Variants in PCYOX1 observed in about 807,000 individuals in gnomAD.
The protein encoded by PCYOX1 is prenylcysteine lyase.
In PCYOX1, 46 loss-of-function variants were observed where a neutral mutation model predicts 46.4. That is an observed-to-expected ratio of 0.99 (90% CI 0.78 to 1.27). The LOEUF is 1.27. Among genes scored for constraint, PCYOX1 ranks in the 50% most tolerant of loss-of-function variants. The pLI is 0.00. For missense variants in PCYOX1, 658 were observed against 628.3 expected, an observed-to-expected ratio of 1.05 and a Z score of -0.51; for synonymous variants, 220 against 231.8, an observed-to-expected ratio of 0.95 and a Z score of 0.46.
chr2:70,259,670 G>A (rs977867085), intron 2 of PCYOX1, 104 bp downstream of exon 2: 144 of 857,226 alleles, frequency 1.7e-4, no homozygotes, highest in Non-Finnish European at 2.4e-4. Context: ...TTGCCTTACA[G>A]AGACGTTGGT....
Position 70,276,930 on chromosome 2 carries a change from G to C in PCYOX1, c.1056G>C (p.Leu352Phe). The C allele has an allele frequency of 6.2e-7, 1 of 1,611,824 alleles. No homozygotes were observed. The highest frequency in any genetic ancestry group is 8.5e-7 in the Non-Finnish European group (1 of 1,178,004). ...HIVTTLVKGE[L>F]NTSIFSSRPI... ...TGACAACTTTAGTTAAGGGGGAATT[G>C]AATACATCTATCTTTAGCTCTAGAC... is the stretch of plus-strand genomic sequence containing the variant. The change falls in exon 6 of 6, where the codon TTG becomes TTC. Residue 352 changes from leucine (L) to phenylalanine (F), a missense_variant. Physicochemically the swap from Leu to Phe is conservative, Grantham distance 22. Transcript: ENST00000433351.
In PCYOX1 at chr2:70,275,069, C is replaced by G; in HGVS notation, c.605C>G (p.Thr202Ser). The G allele has an allele frequency of 6.2e-7, 1 of 1,614,042 alleles. No individual in the cohort carries two copies. Among genetic ancestry groups the G allele is most frequent in the Non-Finnish European group, 8.5e-7 (1 of 1,179,896 alleles). The change falls in exon 4 of 6, where the codon ACC becomes AGC. Residue 202 changes from threonine to serine, a missense_variant. Thr to Ser is a moderately conservative substitution (Grantham distance 58, BLOSUM62 1). Coordinates refer to ENST00000433351, the MANE Select transcript of PCYOX1 (RefSeq NM_016297.4). ...LGMLNRTLLE[T>S]LQKAGFSEKF... is the part of the protein sequence containing the mutation. ...ATGCTTAATCGAACACTTCTTGAAACCTTGCAAAAGGCCGGCTTTTCTGAG... is the reference window on the plus strand; with the variant it reads ...ATGCTTAATCGAACACTTCTTGAAAGCTTGCAAAAGGCCGGCTTTTCTGAG...
chr2:70,268,259 A>G (rs1281741227), intron 3 of PCYOX1, among the ~76,000 whole-genome samples: 2 of 152,272 alleles, frequency 1.3e-5, no homozygotes, highest in Non-Finnish European at 2.9e-5. Flanking sequence ...TTTAAAATCT[A>G]AGGCTCATCA....
rs2104905255 is a variant in PCYOX1 at position 70,281,129 on chromosome 2, GTATTA to G, written c.*3738_*3742del. 1 of 152,248 alleles carries G rather than the reference GTATTA, an allele frequency of 6.6e-6. No homozygotes were observed. Among genetic ancestry groups the G allele is most frequent in the African/African-American group, 2.4e-5 (1 of 41,520 alleles). The allele number at this position is 152,248 out of a possible 1,614,324, so 9.4% of individuals were successfully genotyped here. A position where few individuals can be genotyped will look rare whatever the true frequency, so the allele number is the denominator to read the frequency against. On this transcript the variant is annotated 3_prime_UTR_variant, in exon 6 of 6. Coordinates refer to ENST00000433351, the MANE Select transcript of PCYOX1 (RefSeq NM_016297.4). ...TCTCTGGAATCCTCTTTCTACTCTT[GTATTA>G]AAATTTTTCCCCACTTCATGATTAT...
rs114523411 is a variant in PCYOX1 at position 70,258,200 on chromosome 2, G to A, written c.36G>A (p.Leu12=). The change falls in exon 1 of 6, where the codon CTG becomes CTA. Residue 12 remains leucine, a synonymous_variant. Coordinates refer to ENST00000433351, the MANE Select transcript of PCYOX1 (RefSeq NM_016297.4). ...TCGTCGCGGAGCTCGTCTCCTCGCT[G>A]CTGGGGTTGTGGCTGTTGCTGTGCA... ...GRVVAELVSS[L]LGLWLLLCSC... is the part of the protein sequence containing the mutation. 961 of 1,599,620 alleles carry A rather than the reference G, an allele frequency of 6.0e-4. 4 individuals carry two copies. In the African/African-American group the frequency reaches 0.012, roughly 20 times the overall value.
chr2:70,260,621 T>G (rs1401193021), intron 2 of PCYOX1, among the ~76,000 whole-genome samples: 2 of 152,222 alleles, frequency 1.3e-5, no homozygotes, highest in African/African-American at 4.8e-5. Flanking sequence ...GATGTGCAAC[T>G]GCTGCCCTGA....
chr2:70,266,970 G>C (rs1456149300), intron 3 of PCYOX1, among the ~76,000 whole-genome samples: 1 of 152,150 alleles, frequency 6.6e-6, no homozygotes, highest in Non-Finnish European at 1.5e-5. Flanking sequence ...TTCTCAATGA[G>C]CTATTGGGTA....
At chr2:70,276,362 G>A (rs1044181996) in intron 5 of PCYOX1, among the ~76,000 whole-genome samples, 3 of 151,678 alleles carry the variant, frequency 2.0e-5, no homozygotes, top group African/African-American at 4.8e-5. Context: ...GCCTGCCACC[G>A]CGCTCGGCTA....
intron 3 of PCYOX1, among the ~76,000 whole-genome samples, chr2:70,267,800 A>G (rs1276718914): frequency 7.1e-6 from 1 of 140,224 alleles, no homozygotes. Context: ...GGGGAGGGGG[A>G]GGGGGAGAGG....
chr2:70,269,694 C>T (rs1045350250), intron 3 of PCYOX1, among the ~76,000 whole-genome samples: 7 of 152,094 alleles, frequency 4.6e-5, no homozygotes, highest in Admixed American at 1.3e-4. Context: ...TCATAGCCTC[C>T]GGCATCTGTG....
chr2:70,265,080 C>T (rs1696493908), intron 3 of PCYOX1, among the ~76,000 whole-genome samples: 1 of 152,062 alleles, frequency 6.6e-6, no homozygotes, highest in Non-Finnish European at 1.5e-5. Flanking sequence ...TCATTCTCTG[C>T]TGTTGGAGGT....
rs1266805353 is a variant in PCYOX1, at chr2:70,280,487, C to T, written c.*3095C>T. ...ACCTTAAGGGCTTGTTAAAACATCGCTAGGCTCCACCCTGTTTATTCAATA... is the reference window on the plus strand; with the variant it reads ...ACCTTAAGGGCTTGTTAAAACATCGTTAGGCTCCACCCTGTTTATTCAATA... On this transcript the variant is annotated 3_prime_UTR_variant, in exon 6 of 6. Coordinates refer to ENST00000433351, the MANE Select transcript of PCYOX1 (RefSeq NM_016297.4). 6.6e-6 allele frequency: 1 copy of T among 152,118 alleles called. No homozygotes were observed. Among genetic ancestry groups the T allele is most frequent in the Non-Finnish European group, 1.5e-5 (1 of 68,018 alleles). The allele number at this position is 152,118 out of a possible 1,614,324, so 9.4% of individuals were successfully genotyped here.
Position 70,259,540 on chromosome 2 carries a change from A to C in PCYOX1, c.293A>C (p.His98Pro). 6.2e-7 allele frequency: 1 copy of C among 1,614,004 alleles called. No homozygotes were observed. The highest frequency in any genetic ancestry group is 8.5e-7 in the Non-Finnish European group (1 of 1,179,914). ...TCTGTCATCCATCCTTTAAATCTGC[A>C]CATGAAACGTTTTGTCAAAGACCTG... Reference protein sequence around the residue: ...GGSVIHPLNLHMKRFVKDLGL... With the variant: ...GGSVIHPLNLPMKRFVKDLGL... Residue 98 changes from histidine to proline, a missense_variant, in exon 2 of 6, where the codon CAC (histidine) becomes CCC (proline). Coordinates refer to ENST00000433351, the MANE Select transcript of PCYOX1 (RefSeq NM_016297.4).
At chr2:70,262,914 T>C (rs1367806941) in intron 3 of PCYOX1, among the ~76,000 whole-genome samples, 2 of 145,408 alleles carry the variant, frequency 1.4e-5, no homozygotes, top group African/African-American at 5.0e-5. Context: ...ACATGTCATA[T>C]GACCAGGTAT....
rs776472006 is a variant in PCYOX1 at position 70,275,028 on chromosome 2, A to AGATG, written c.565_568dup (p.Asp190GlyfsTer2). Reference sequence around the variant, plus strand: ...AAAAATTACTTCATGCTCTAGGAGGAGATGACTTCCTTGGAATGCTTAATC... The same window carrying AGATG: ...AAAAATTACTTCATGCTCTAGGAGGAGATGGATGACTTCCTTGGAATGCTTAATC... On this transcript the variant is annotated frameshift_variant, in exon 4 of 6. Coordinates refer to ENST00000433351, the MANE Select transcript of PCYOX1 (RefSeq NM_016297.4). LOFTEE classifies it high-confidence loss of function. 6.2e-7 allele frequency: 1 copy of AGATG among 1,613,492 alleles called. No homozygotes were observed. The highest frequency in any genetic ancestry group is 8.5e-7 in the Non-Finnish European group (1 of 1,179,406).
chr2:70,262,570 C>T (rs555850931), intron 3 of PCYOX1, among the ~76,000 whole-genome samples: 4 of 150,674 alleles, frequency 2.7e-5, no homozygotes, highest in South Asian at 4.2e-4. Flanking sequence ...ACCTCTGCCT[C>T]CCTGGTTCAA....
chr2:70,274,623 G>C (rs1407913705), intron 3 of PCYOX1: 2 of 237,746 alleles, frequency 8.4e-6, no homozygotes, highest in Non-Finnish European at 1.6e-5. Context: ...GAGTGCAGCG[G>C]CATTATCACA....
At chr2:70,274,849 C>A in intron 3 of PCYOX1, 110 bp from the exon 4 acceptor site, 1 of 740,482 alleles carries the variant, frequency 1.4e-6, no homozygotes. Flanking sequence ...TAGGCGTGAG[C>A]CACTGCACCT....
chr2:70,280,048 C>G lies in PCYOX1; in HGVS notation c.*2656C>G, dbSNP rs1559039505. ...TGAGCAGAGATCGCACCACTGCACT[C>G]CAGCCTGGGCAAGAGTGAGACTGTG... On this transcript the variant is annotated 3_prime_UTR_variant, in exon 6 of 6. Coordinates refer to ENST00000433351, the MANE Select transcript of PCYOX1 (RefSeq NM_016297.4). 1 of 152,090 alleles carries G rather than the reference C, an allele frequency of 6.6e-6. No individual in the cohort carries two copies. Among genetic ancestry groups the G allele is most frequent in the Non-Finnish European group, 1.5e-5 (1 of 68,030 alleles). The allele number at this position is 152,090 out of a possible 1,614,324, so 9.4% of individuals were successfully genotyped here.
Sources: gnomAD v4.1 joint callset for allele counts (sites outside exome capture counted in the v4.1 genomes callset) on GRCh38, gnomAD v4.1.1 for gene constraint, MANE v1.5 for transcripts, NCBI Gene and HGNC (gene_info 2026-07-23, HGNC 2026-07-21) for gene names.